APLF: variants seen among roughly 807,000 people sequenced by gnomAD.
The protein encoded by APLF is aprataxin and PNK-like factor.
In APLF, 61 loss-of-function variants were observed where a neutral mutation model predicts 55.6. The observed-to-expected ratio is 1.10, with a 90% confidence interval of 0.89 to 1.36. The LOEUF is 1.36. Among genes scored for constraint, APLF ranks in the 40% most tolerant of loss-of-function variants. The pLI, the probability that APLF is intolerant of heterozygous loss-of-function variation, is 0.00. For synonymous variants in APLF, 207 were observed against 214.8 expected (o/e 0.96, Z 0.32); for missense variants, 611 against 602.5 (o/e 1.01, Z -0.15).
chr2:68,526,770 C>A (rs908426540), intron 6 of APLF, among the ~76,000 whole-genome samples: 1 of 152,178 alleles, frequency 6.6e-6, no homozygotes, highest in African/African-American at 2.4e-5. Context: ...TCACTGCAAC[C>A]TCCACCTCCT....
rs746591267 is a variant in APLF, at chr2:68,536,104, C to T, written c.805-1768C>T. Among the ~76,000 whole-genome samples, 7 of 152,236 alleles carry T rather than the reference C, an allele frequency of 4.6e-5. No homozygotes were observed. In the East Asian group the frequency reaches 5.8e-4, roughly 13 times the overall value. On this transcript the variant is annotated intron_variant, in intron 6 of 9. Transcript: ENST00000303795. ...GGGTTAGGATTGCCCAATTCTCACT[C>T]GAGAGTTCCAGTTGCTGGTACAGAC...
intron 9 of APLF, 85 bp from the exon 10 acceptor site, chr2:68,577,735 G>A (rs1370379595): frequency 8.7e-6 from 13 of 1,502,154 alleles, no homozygotes; most frequent in Non-Finnish European, 1.2e-5. Context: ...TCCTCTGGAT[G>A]CAGAAAGACA....
intron 1 of APLF, among the ~76,000 whole-genome samples, chr2:68,474,202 C>T (rs1675703637): frequency 6.6e-6 from 1 of 152,242 alleles, no homozygotes; most frequent in South Asian, 2.1e-4. Context: ...TACATGTTCA[C>T]CTGTTTGGAA....
chr2:68,473,386 G>C (rs188026138), intron 1 of APLF, among the ~76,000 whole-genome samples: 110 of 152,202 alleles, frequency 7.2e-4, no homozygotes, highest in Middle Eastern at 3.4e-3. Context: ...TCCATTGTCG[G>C]TTTATCCATT....
At chr2:68,576,993 T>A (rs10193445) in intron 9 of APLF, among the ~76,000 whole-genome samples, 16,187 of 152,154 alleles carry the variant, frequency 0.11, 1,107 homozygotes, top group African/African-American at 0.19. Flanking sequence ...AAGAGTAAGA[T>A]CGGGGAAGAA....
rs1671724807 is a variant in APLF at position 68,579,861 on chromosome 2, G to A, written c.*1839G>A. On this transcript the variant is annotated 3_prime_UTR_variant, in exon 10 of 10. Coordinates refer to ENST00000303795, the MANE Select transcript of APLF (RefSeq NM_173545.3). ...GATAAAAATGTTCTAAGATTAGATG[G>A]CAGTGATGGTTGCACAACTCTGTAA... is the stretch of plus-strand genomic sequence containing the variant. 3 of 251,776 alleles carry A rather than the reference G, an allele frequency of 1.2e-5. No homozygotes were observed. Among genetic ancestry groups the A allele is most frequent in the Middle Eastern group, 2.0e-3 (1 of 498 alleles). 15.6% of individuals were successfully genotyped at this position (251,776 alleles called of 1,614,324 possible). A position where few individuals can be genotyped will look rare whatever the true frequency, so the allele number is the denominator to read the frequency against.
At chr2:68,561,575 A>G (rs1032187661) in intron 8 of APLF, among the ~76,000 whole-genome samples, 3 of 152,120 alleles carry the variant, frequency 2.0e-5, no homozygotes, top group South Asian at 2.1e-4. Flanking sequence ...ATAGAGTCTG[A>G]TTAATATGAG....
At chr2:68,516,677 A>G (rs946982538) in intron 5 of APLF, among the ~76,000 whole-genome samples, 2 of 150,084 alleles carry the variant, frequency 1.3e-5, no homozygotes, top group Non-Finnish European at 3.0e-5. Flanking sequence ...TATAAATGAG[A>G]AAATACAATG....
At chr2:68,559,312 T>C (rs1449887023) in intron 8 of APLF, among the ~76,000 whole-genome samples, 2 of 152,146 alleles carry the variant, frequency 1.3e-5, no homozygotes, top group African/African-American at 4.8e-5. Flanking sequence ...GTCTCCTCTT[T>C]TTCTTCCCTA....
intron 9 of APLF, among the ~76,000 whole-genome samples, chr2:68,572,268 C>G (rs1455496619): frequency 2.0e-5 from 3 of 151,786 alleles, no homozygotes; most frequent in African/African-American, 7.3e-5. Context: ...ATATGAATAC[C>G]AACTAGTTGC....
chr2:68,557,293 T>C (rs1671043804), intron 8 of APLF, among the ~76,000 whole-genome samples: 2 of 152,192 alleles, frequency 1.3e-5, no homozygotes, highest in South Asian at 2.1e-4. Flanking sequence ...TAGGGAACTA[T>C]GACAAGAAAC....
At chr2:68,558,951 T>C (rs752948442) in intron 8 of APLF, among the ~76,000 whole-genome samples, 1 of 152,214 alleles carries the variant, frequency 6.6e-6, no homozygotes, top group Non-Finnish European at 1.5e-5. Context: ...TGGTGTTAAG[T>C]TAGCAAATCT....
At chr2:68,528,439 C>G in intron 6 of APLF, 1 of 1,534,312 alleles carries the variant, frequency 6.5e-7, no homozygotes, top group Non-Finnish European at 8.7e-7. Context: ...TCTCCCACCT[C>G]AGTTGCAGGG....
intron 7 of APLF, 130 bp from the exon 8 acceptor site, chr2:68,545,057 T>G (rs1224178818): frequency 9.4e-7 from 1 of 1,062,456 alleles, no homozygotes; most frequent in African/African-American, 1.6e-5. Context: ...TGCGCTTATG[T>G]CATCAATGTA....
At chr2:68,555,789 T>C (rs558799856) in intron 8 of APLF, among the ~76,000 whole-genome samples, 2 of 152,324 alleles carry the variant, frequency 1.3e-5, no homozygotes, top group Non-Finnish European at 2.9e-5. Context: ...TGGAAAACAG[T>C]GTGGAGATTC....
chr2:68,547,369 T>G (rs1476816178), intron 8 of APLF, among the ~76,000 whole-genome samples: 1 of 151,680 alleles, frequency 6.6e-6, no homozygotes, highest in Non-Finnish European at 1.5e-5. Context: ...ATAAAGAAAT[T>G]TACAATGTGA....
At chr2:68,565,589 A>C (rs562836889) in intron 8 of APLF, among the ~76,000 whole-genome samples, 9 of 152,250 alleles carry the variant, frequency 5.9e-5, no homozygotes, top group Admixed American at 5.2e-4. Flanking sequence ...GAGCAAATAT[A>C]GTAGGCAGTG....
intron 8 of APLF, among the ~76,000 whole-genome samples, chr2:68,566,547 A>G (rs927480275): frequency 1.3e-5 from 2 of 152,146 alleles, no homozygotes; most frequent in African/African-American, 4.8e-5. Flanking sequence ...TGACACAGGT[A>G]TATTCGAAAG....
rs1169976209 is a variant in APLF, at chr2:68,570,278, T to C, written c.1333+2891T>C. ...TACCAGGAAGATTTTGTTTTATTCT[T>C]TTTTTTTTAATATATATATATATTT... is the stretch of plus-strand genomic sequence containing the variant. On this transcript the variant is annotated intron_variant, in intron 9 of 9. Coordinates refer to ENST00000303795, the MANE Select transcript of APLF (RefSeq NM_173545.3). 3.0e-5 allele frequency among the ~76,000 whole-genome samples: 4 copies of C among 135,322 alleles called. 1 individual carries two copies. The highest frequency in any genetic ancestry group is 7.0e-5 in the Admixed American group (1 of 14,218). 88.8% of individuals were successfully genotyped at this position (135,322 alleles called of 152,430 possible).
Sources: allele counts gnomAD v4.1 joint callset (sites outside exome capture counted in the v4.1 genomes callset), GRCh38; gene constraint gnomAD v4.1.1; transcripts MANE v1.5; gene names NCBI Gene and HGNC (gene_info 2026-07-23, HGNC 2026-07-21).